Variants in CNBD1 observed in about 807,000 individuals in gnomAD.
CNBD1 encodes cyclic nucleotide-binding domain-containing protein 1.
CNBD1 carries 71 observed loss-of-function variants against 54.4 expected under a neutral mutation model. The ratio of observed to expected loss-of-function variants is 1.30; its 90% CI spans 1.08 to 1.59. The LOEUF is 1.59. Ranked by LOEUF, CNBD1 falls within the 40% of genes most tolerant of loss-of-function variation. The probability of loss-of-function intolerance (pLI) is 0.00; values close to 1 mark genes in which losing one functional copy is unlikely to be tolerated. For synonymous variants in CNBD1, 182 were observed against 170.7 expected, an observed-to-expected ratio of 1.07 and a Z score of -0.51; for missense variants, 659 against 518.0, an observed-to-expected ratio of 1.27 and a Z score of -2.64.
chr8:87,403,807 T>C (rs1008113263), intron 2 of CNBD1, among the ~76,000 whole-genome samples: 13 of 151,930 alleles, frequency 8.6e-5, no homozygotes, highest in African/African-American at 3.1e-4. Context: ...TCAACACAAA[T>C]CATTTGAGTT....
chr8:87,305,595 A>G (rs1304817104), intron 8 of CNBD1, among the ~76,000 whole-genome samples: 1 of 152,200 alleles, frequency 6.6e-6, no homozygotes, highest in Non-Finnish European at 1.5e-5. Flanking sequence ...ACACAGAAAT[A>G]AACCCAAGTA....
intron 4 of CNBD1, among the ~76,000 whole-genome samples, chr8:87,170,068 G>T (rs1447569232): frequency 6.6e-6 from 1 of 151,664 alleles, no homozygotes; most frequent in Non-Finnish European, 1.5e-5. Flanking sequence ...CAATTTTTTG[G>T]CCTCTTAAAT....
chr8:87,048,627 A>C (rs1315212221), intron 4 of CNBD1, among the ~76,000 whole-genome samples: 1 of 152,124 alleles, frequency 6.6e-6, no homozygotes, highest in East Asian at 1.9e-4. Flanking sequence ...TATCTCATTA[A>C]TTAGTACTCT....
At chr8:87,348,909 T>C (rs1348240057) in intron 8 of CNBD1, among the ~76,000 whole-genome samples, 2 of 152,190 alleles carry the variant, frequency 1.3e-5, no homozygotes, top group African/African-American at 4.8e-5. Context: ...TTTCTGTGAA[T>C]CCTTCTGATA....
intron 10 of CNBD1, among the ~76,000 whole-genome samples, chr8:87,359,505 GA>G (rs1353944608): frequency 6.6e-6 from 1 of 152,014 alleles, no homozygotes; most frequent in Admixed American, 6.6e-5. Flanking sequence ...TCTATTCCAA[GA>G]TAGTTAAATG....
chr8:87,130,899 T>G (rs1175261227), intron 4 of CNBD1, among the ~76,000 whole-genome samples: 1 of 152,162 alleles, frequency 6.6e-6, no homozygotes. Context: ...TGGGGCTCTG[T>G]TAGATATGTG....
chr8:87,407,405 A>G (rs1486618597), intron 2 of CNBD1, among the ~76,000 whole-genome samples: 3 of 151,846 alleles, frequency 2.0e-5, no homozygotes, highest in Non-Finnish European at 4.4e-5. Flanking sequence ...TTATTGATGG[A>G]TATTGGTGGT....
chr8:87,363,306 C>A (rs1189705174), intron 10 of CNBD1, among the ~76,000 whole-genome samples: 1 of 152,058 alleles, frequency 6.6e-6, no homozygotes, highest in Non-Finnish European at 1.5e-5. Flanking sequence ...AATAAACATA[C>A]TACATGTGCA....
At chr8:86,944,124 A>G (rs956551556) in intron 4 of CNBD1, among the ~76,000 whole-genome samples, 1 of 152,244 alleles carries the variant, frequency 6.6e-6, no homozygotes, top group Non-Finnish European at 1.5e-5. Context: ...GCATTTCAAA[A>G]GAGAAAATAT....
chr8:87,089,727 T>C (rs967088608), intron 4 of CNBD1, among the ~76,000 whole-genome samples: 7 of 152,130 alleles, frequency 4.6e-5, no homozygotes, highest in Admixed American at 3.9e-4. Flanking sequence ...AAAATGGCTT[T>C]GGAATTATAC....
At chr8:87,222,169 G>C (rs758028900) in intron 5 of CNBD1, among the ~76,000 whole-genome samples, 1 of 151,754 alleles carries the variant, frequency 6.6e-6, no homozygotes, top group Non-Finnish European at 1.5e-5. Flanking sequence ...GAAGAAAATT[G>C]ACCATCATAG....
intron 8 of CNBD1, among the ~76,000 whole-genome samples, chr8:87,327,822 C>T (rs899151786): frequency 1.3e-5 from 2 of 152,096 alleles, no homozygotes; most frequent in African/African-American, 2.4e-5. Flanking sequence ...CATCTTGGCT[C>T]CTCCCCCTTT....
chr8:87,389,326 T>C (rs900360628), intron 2 of CNBD1, among the ~76,000 whole-genome samples: 5 of 152,194 alleles, frequency 3.3e-5, no homozygotes, highest in Non-Finnish European at 5.9e-5. Flanking sequence ...TGTTTGCAGA[T>C]GACATGATTG....
chr8:87,357,807 A>G (rs939052181), intron 10 of CNBD1, among the ~76,000 whole-genome samples: 2 of 152,100 alleles, frequency 1.3e-5, no homozygotes, highest in Non-Finnish European at 2.9e-5. Context: ...TATAGTTTGG[A>G]TGTCTGTCCC....
intron 2 of CNBD1, among the ~76,000 whole-genome samples, chr8:87,392,349 A>G (rs955108284): frequency 6.6e-6 from 1 of 152,012 alleles, no homozygotes; most frequent in South Asian, 2.1e-4. Flanking sequence ...AAAATCTTGT[A>G]CATGAATTAA....
At chr8:87,100,041 G>T (rs1409654918) in intron 4 of CNBD1, among the ~76,000 whole-genome samples, 1 of 152,184 alleles carries the variant, frequency 6.6e-6, no homozygotes, top group Non-Finnish European at 1.5e-5. Context: ...TTAGGTAAGA[G>T]AATACCAGGA....
intron 4 of CNBD1, among the ~76,000 whole-genome samples, chr8:86,995,680 T>A (rs2130535908): frequency 7.1e-6 from 1 of 140,920 alleles, no homozygotes; most frequent in African/African-American, 2.6e-5. Context: ...CAGCAGTGTG[T>A]GTATGGGTGG....
At chr8:87,027,452 A>G (rs998835864) in intron 4 of CNBD1, among the ~76,000 whole-genome samples, 1 of 152,024 alleles carries the variant, frequency 6.6e-6, no homozygotes, top group African/African-American at 2.4e-5. Context: ...TTATATTTTT[A>G]GTAGAGATGG....
intron 8 of CNBD1, among the ~76,000 whole-genome samples, chr8:87,338,474 TG>T (rs1354052606): frequency 9.2e-5 from 14 of 151,522 alleles, no homozygotes; most frequent in South Asian, 4.1e-4. Context: ...TTGTTGTTGT[TG>T]TTGTTTTGTT....
Sources: gnomAD v4.1 joint callset for allele counts (sites outside exome capture counted in the v4.1 genomes callset) on GRCh38, gnomAD v4.1.1 for gene constraint, MANE v1.5 for transcripts, NCBI Gene and HGNC (gene_info 2026-07-23, HGNC 2026-07-21) for gene names.